Variants in ESRP1 observed in about 807,000 individuals in gnomAD.
ESRP1 encodes epithelial splicing regulatory protein 1.
In ESRP1, 33 loss-of-function variants were observed where a neutral mutation model predicts 81.7. The observed-to-expected ratio is 0.40, with a 90% CI of 0.31 to 0.54. The LOEUF is 0.54. Among genes scored for constraint, ESRP1 ranks in the 20% least tolerant of loss-of-function variants. The pLI, the probability that ESRP1 is intolerant of heterozygous loss-of-function variation, is 0.41. For missense variants in ESRP1, 672 were observed against 833.1 expected (o/e 0.81, Z 2.38); for synonymous variants, 320 against 303.3 (o/e 1.06, Z -0.57).
chr8:94,654,676 C>T (rs568273203), intron 4 of ESRP1, among the ~76,000 whole-genome samples: 78 of 152,160 alleles, frequency 5.1e-4, no homozygotes, highest in African/African-American at 1.7e-3. Context: ...AATCTCACCA[C>T]TTTGGGAAGC....
In ESRP1 at chr8:94,662,448, C is replaced by T. The variant is rs1818794258; in HGVS notation, c.590-53C>T. 5 of 1,560,966 alleles carry T rather than the reference C, an allele frequency of 3.2e-6. No individual in the cohort carries two copies. In the Admixed American group the frequency reaches 5.8e-5, roughly 18 times the overall value. On this transcript the variant is annotated intron_variant, in intron 5 of 15. Coordinates refer to ENST00000433389, the MANE Select transcript of ESRP1 (RefSeq NM_017697.4). ...TTACCTATACTCAAATTTCCTCCTA[C>T]AACTTTGTCTCCCTAATCACTAAAA...
chr8:94,657,544 T>C (rs1427091145), intron 4 of ESRP1, among the ~76,000 whole-genome samples: 1 of 150,870 alleles, frequency 6.6e-6, no homozygotes, highest in Non-Finnish European at 1.5e-5. Context: ...GGGTGACTTT[T>C]ACAAGTTGTT....
chr8:94,694,079 A>C (rs1809504616), intron 14 of ESRP1, among the ~76,000 whole-genome samples: 1 of 152,192 alleles, frequency 6.6e-6, no homozygotes, highest in Non-Finnish European at 1.5e-5. Context: ...GATTTTACTA[A>C]AAGCTTATTG....
intron 13 of ESRP1, among the ~76,000 whole-genome samples, chr8:94,679,666 T>C (rs1331556270): frequency 6.6e-6 from 1 of 152,170 alleles, no homozygotes. Flanking sequence ...TTTTTTTTTT[T>C]CTACCAGTAG....
intron 11 of ESRP1, among the ~76,000 whole-genome samples, chr8:94,672,207 T>A (rs2130642795): frequency 6.6e-6 from 1 of 152,314 alleles, no homozygotes; most frequent in Admixed American, 6.5e-5. Flanking sequence ...TTATTTCATA[T>A]TTAATATATA....
At chr8:94,643,980 C>T (rs1044823619) in intron 3 of ESRP1, among the ~76,000 whole-genome samples, 8 of 152,214 alleles carry the variant, frequency 5.3e-5, no homozygotes, top group African/African-American at 1.2e-4. Context: ...AAACCACAAT[C>T]GTAGCACTCT....
intron 4 of ESRP1, among the ~76,000 whole-genome samples, chr8:94,653,194 T>TGTG (rs1192171969): frequency 6.6e-6 from 1 of 152,026 alleles, no homozygotes; most frequent in African/African-American, 2.4e-5. Context: ...GTTATTAGGG[T>TGTG]GTGTATATTT....
At chr8:94,703,468 A>G (rs1399749961) in intron 15 of ESRP1, among the ~76,000 whole-genome samples, 2 of 152,152 alleles carry the variant, frequency 1.3e-5, no homozygotes, top group African/African-American at 4.8e-5. Context: ...ATTGTTACAC[A>G]GTCAAACTCC....
At chr8:94,676,777 C>T (rs4481558) in intron 12 of ESRP1, among the ~76,000 whole-genome samples, 70,444 of 151,334 alleles carry the variant, frequency 0.47, 19,437 homozygotes, top group South Asian at 0.68. Context: ...AGATTACAGG[C>T]GTGAGCCACC....
rs1819490682 is a variant in ESRP1, at chr8:94,674,421, G to C, written c.1566G>C (p.Gln522His). Residue 522 changes from glutamine to histidine, a missense_variant, in exon 12 of 16, where the codon CAG becomes CAC. Gln to His is a conservative substitution (Grantham distance 24). Coordinates refer to ENST00000433389, the MANE Select transcript of ESRP1 (RefSeq NM_017697.4). ...NMKDRYVEVF[Q>H]CSAEEMNFVL... ...AGGACAGATATGTTGAAGTCTTTCA[G>C]TGTTCAGCTGAGGAGATGAACTTTG... 6.2e-7 allele frequency: 1 copy of C among 1,613,898 alleles called. No homozygotes were observed. Among genetic ancestry groups the C allele is most frequent in the Non-Finnish European group, 8.5e-7 (1 of 1,179,872 alleles).
At position 94,695,961 on chromosome 8, in the gene ESRP1, G is replaced by A. The variant is rs142828116; in HGVS notation, c.1972-891G>A. 9.9e-3 allele frequency among the ~76,000 whole-genome samples: 1,509 copies of A among 152,260 alleles called. 27 individuals are homozygous for A. The highest frequency in any genetic ancestry group is 0.034 in the African/African-American group (1,408 of 41,550). Reference sequence around the variant, plus strand: ...GCCTGTAGTCCCAGCTACTCAGGAGGCTGAGGCAGGAGAAGTGCTTGAACC... The same window carrying A: ...GCCTGTAGTCCCAGCTACTCAGGAGACTGAGGCAGGAGAAGTGCTTGAACC... On this transcript the variant is annotated intron_variant, in intron 14 of 15. Coordinates refer to ENST00000433389, the MANE Select transcript of ESRP1 (RefSeq NM_017697.4).
chr8:94,679,865 T>C (rs1808805375), intron 13 of ESRP1, among the ~76,000 whole-genome samples: 1 of 152,222 alleles, frequency 6.6e-6, no homozygotes. Context: ...TTCTTTCTTT[T>C]TTTTAAAACT....
At chr8:94,688,237 AT>A (rs33973312) in intron 13 of ESRP1, 62,970 of 153,764 alleles carry the variant, frequency 0.41, 13,054 homozygotes, top group East Asian at 0.56. Flanking sequence ...AATGGTGCAC[AT>A]TGAATGTCCT....
intron 13 of ESRP1, among the ~76,000 whole-genome samples, chr8:94,679,290 G>T (rs1483884450): frequency 6.6e-6 from 1 of 152,206 alleles, no homozygotes; most frequent in East Asian, 1.9e-4. Context: ...TATGACAGTT[G>T]TCAGCTAGCT....
intron 6 of ESRP1, among the ~76,000 whole-genome samples, chr8:94,662,966 C>T (rs572917297): frequency 1.4e-4 from 21 of 152,280 alleles, no homozygotes; most frequent in African/African-American, 4.8e-4. Context: ...AGAAACTTTA[C>T]TAATCCTTTT....
At chr8:94,691,937 G>A (rs1433534349) in intron 13 of ESRP1, among the ~76,000 whole-genome samples, 3 of 152,076 alleles carry the variant, frequency 2.0e-5, no homozygotes, top group Non-Finnish European at 2.9e-5. Context: ...CAGAGTGGGT[G>A]GGAACAGGGT....
chr8:94,676,800 GT>G (rs1244169151), intron 12 of ESRP1, among the ~76,000 whole-genome samples: 2 of 151,656 alleles, frequency 1.3e-5, no homozygotes, highest in African/African-American at 4.8e-5. Context: ...ACCCAGCCAT[GT>G]GTGTTTGTCT....
At position 94,706,287 on chromosome 8, in the gene ESRP1, T is replaced by C. The variant is rs1586278567; in HGVS notation, c.*398T>C. On this transcript the variant is annotated 3_prime_UTR_variant, in exon 16 of 16. Transcript: ENST00000433389. ...TCTACCATCTCCACCATGAACTCTG[T>C]TAAGGAAGCTTCATTTTTGTATATT... is the stretch of plus-strand genomic sequence containing the variant. The C allele has an allele frequency of 4.4e-6, 1 of 228,942 alleles. No individual in the cohort carries two copies. Among genetic ancestry groups the C allele is most frequent in the East Asian group, 8.9e-5 (1 of 11,176 alleles). 14.2% of individuals were successfully genotyped at this position (228,942 alleles called of 1,614,324 possible).
At position 94,692,817 on chromosome 8, in the gene ESRP1, A is replaced by G. The variant is rs369492665; in HGVS notation, c.1961A>G (p.Gln654Arg). The change falls in exon 14 of 16, where the codon CAA becomes CGA. Residue 654 changes from glutamine (Q) to arginine (R), a missense_variant. By Grantham distance (43) the Gln-to-Arg change is conservative. Coordinates refer to ENST00000433389, the MANE Select transcript of ESRP1 (RefSeq NM_017697.4). ...GTTAAGGAAATTCTTAACTTCTTCC[A>G]AGGTTACCAGGTCAGTAGCTTGAAG... is the stretch of plus-strand genomic sequence containing the variant. ...TGVKEILNFF[Q>R]GYQYATEDGL... 1 of 1,613,016 alleles carries G rather than the reference A, an allele frequency of 6.2e-7. No individual in the cohort carries two copies. The highest frequency in any genetic ancestry group is 1.1e-5 in the South Asian group (1 of 90,870).
Sources: allele counts gnomAD v4.1 joint callset (sites outside exome capture counted in the v4.1 genomes callset), GRCh38; gene constraint gnomAD v4.1.1; transcripts MANE v1.5; gene names NCBI Gene and HGNC (gene_info 2026-07-23, HGNC 2026-07-21).